Variants in GYPE observed in about 807,000 individuals in gnomAD.
GYPE encodes glycophorin E (MNS blood group), also known as glycophorin-E.
Under a neutral mutation model 11.6 loss-of-function variants are expected in GYPE, and 8 were observed. That is an observed-to-expected ratio of 0.69 (90% CI 0.41 to 1.25). The LOEUF (loss-of-function observed/expected upper bound fraction) is 1.25. GYPE is among the 50% of genes most tolerant of loss of function. The probability of loss-of-function intolerance (pLI) is 0.01; values close to 1 mark genes in which losing one functional copy is unlikely to be tolerated. For missense variants in GYPE, 90 were observed against 92.8 expected (o/e 0.97, Z 0.12); for synonymous variants, 28 against 29.6 (o/e 0.94, Z 0.18).
At chr4:143,889,779 ATCTC>A (rs1161362366) in intron 1 of GYPE, among the ~76,000 whole-genome samples, 1 of 152,136 alleles carries the variant, frequency 6.6e-6, no homozygotes, top group East Asian at 1.9e-4. Context: ...CATTCCACAC[ATCTC>A]TCTAACCATT....
chr4:143,873,277 C>T, intron 3 of GYPE: 4 of 322,142 alleles, frequency 1.2e-5, no homozygotes, highest in Non-Finnish European at 2.4e-5. Context: ...GTTTAATAGA[C>T]TTAGGTAAGA....
At chr4:143,881,591 A>G (rs1369764011) in intron 1 of GYPE, among the ~76,000 whole-genome samples, 1 of 152,162 alleles carries the variant, frequency 6.6e-6, no homozygotes, top group Non-Finnish European at 1.5e-5. Flanking sequence ...CTGACTTTCT[A>G]CTTAATATGC....
Position 143,876,833 on chromosome 4 carries a change from C to T in GYPE, c.159G>A (p.Trp53Ter). ...CCTCAAAAATAACACGAGCCATCGC[C>T]CACCAATTAATGAGTGTTATCCCTA... ...QTNGITLINW[W>*]AMARVIFEVM... is the part of the protein sequence containing the mutation. Residue 53 changes from tryptophan to a stop codon, truncating the protein, a stop_gained, in exon 3 of 4, where the codon TGG (tryptophan) becomes TGA (stop). Transcript: ENST00000358615. LOFTEE classifies it high-confidence loss of function. 2 of 1,609,128 alleles carry T rather than the reference C, an allele frequency of 1.2e-6. No individual in the cohort carries two copies. The highest frequency in any genetic ancestry group is 8.5e-7 in the Non-Finnish European group (1 of 1,176,132).
At chr4:143,895,744 T>C (rs1744603841) in intron 1 of GYPE, among the ~76,000 whole-genome samples, 2 of 149,620 alleles carry the variant, frequency 1.3e-5, no homozygotes, top group South Asian at 4.3e-4. Flanking sequence ...TCACGCTACC[T>C]GGCTTCAAAC....
At chr4:143,874,033 CA>C (rs201456872) in intron 3 of GYPE, among the ~76,000 whole-genome samples, 4 of 151,956 alleles carry the variant, frequency 2.6e-5, no homozygotes, top group South Asian at 4.1e-4. Flanking sequence ...AGTAAAACCC[CA>C]TGTAGACTAA....
rs192573435 is a variant in GYPE at position 143,900,437 on chromosome 4, A to G, written c.37+5034T>C. ...ACTATGACCCAGAAATTCTACCCCT[A>G]TACATCTTTGAGTATTAAAAGTGGG... On this transcript the variant is annotated intron_variant, in intron 1 of 3. Coordinates refer to ENST00000358615, the MANE Select transcript of GYPE (RefSeq NM_198682.3). 7.1e-3 allele frequency among the ~76,000 whole-genome samples: 876 copies of G among 123,380 alleles called. 9 individuals are homozygous for G. The highest frequency in any genetic ancestry group is 0.024 in the African/African-American group (821 of 33,956). The allele number at this position is 123,380 out of a possible 152,430, so 80.9% of individuals were successfully genotyped here.
intron 1 of GYPE, among the ~76,000 whole-genome samples, chr4:143,889,106 G>A (rs1280753415): frequency 1.4e-5 from 2 of 143,180 alleles, no homozygotes; most frequent in Non-Finnish European, 3.1e-5. Flanking sequence ...ACAACTAATT[G>A]GTAACACTTC....
intron 1 of GYPE, among the ~76,000 whole-genome samples, chr4:143,883,038 C>T (rs1240044717): frequency 1.3e-5 from 2 of 152,072 alleles, no homozygotes; most frequent in South Asian, 4.1e-4. Flanking sequence ...ATGTAATCCC[C>T]AATGTTGGAG....
chr4:143,881,190 CA>C (rs35536556), intron 1 of GYPE, among the ~76,000 whole-genome samples: 148 of 104,704 alleles, frequency 1.4e-3, no homozygotes, highest in Middle Eastern at 0.011. Flanking sequence ...GACTCCGTCT[CA>C]AAAAAAAAAA....
intron 1 of GYPE, among the ~76,000 whole-genome samples, chr4:143,904,719 G>A (rs1306409593): frequency 6.6e-6 from 1 of 152,114 alleles, no homozygotes; most frequent in Non-Finnish European, 1.5e-5. Flanking sequence ...CCCCCTGTGT[G>A]CTGGGCACTA....
intron 1 of GYPE, among the ~76,000 whole-genome samples, chr4:143,889,992 A>G (rs1744342953): frequency 6.6e-6 from 1 of 152,234 alleles, no homozygotes; most frequent in Non-Finnish European, 1.5e-5. Flanking sequence ...CAGAAAGAGA[A>G]TGAGAGAATC....
intron 3 of GYPE, among the ~76,000 whole-genome samples, 200 bp downstream of exon 3, chr4:143,876,546 T>A (rs1002245209): frequency 6.6e-6 from 1 of 152,120 alleles, no homozygotes; most frequent in Admixed American, 6.6e-5. Context: ...AGATTTATAT[T>A]TAGAGGCTCC....
chr4:143,878,888 A>C (rs1188047146), intron 2 of GYPE, among the ~76,000 whole-genome samples: 1 of 152,232 alleles, frequency 6.6e-6, no homozygotes, highest in African/African-American at 2.4e-5. Context: ...TGACCCAACA[A>C]GTATTCATGG....
chr4:143,890,326 C>T (rs890755274), intron 1 of GYPE, among the ~76,000 whole-genome samples: 2 of 152,176 alleles, frequency 1.3e-5, no homozygotes, highest in Non-Finnish European at 2.9e-5. Context: ...GAGGATTTCA[C>T]ATATTTTACC....
At chr4:143,904,560 T>C (rs1426187496) in intron 1 of GYPE, among the ~76,000 whole-genome samples, 1 of 152,190 alleles carries the variant, frequency 6.6e-6, no homozygotes, top group Admixed American at 6.5e-5. Context: ...TAGAAAATGC[T>C]GATCTCTCTT....
At chr4:143,896,759 A>G (rs569948493) in intron 1 of GYPE, among the ~76,000 whole-genome samples, 74 of 152,340 alleles carry the variant, frequency 4.9e-4, no homozygotes, top group African/African-American at 1.6e-3. Flanking sequence ...AACCAACCCA[A>G]ATGTCCAACA....
chr4:143,904,902 G>A (rs1210755765), intron 1 of GYPE, among the ~76,000 whole-genome samples: 1 of 151,832 alleles, frequency 6.6e-6, no homozygotes, highest in African/African-American at 2.4e-5. Flanking sequence ...TTATTTTAAT[G>A]GATTTAAATT....
In GYPE at chr4:143,871,165, A is replaced by G. The variant is rs1743608024; in HGVS notation, c.*1097T>C. ...TATTGGAACTACAATTCAAGATGAGATTTGAGTGGGAACACAGCCAAACCA... is the reference window on the plus strand; with the variant it reads ...TATTGGAACTACAATTCAAGATGAGGTTTGAGTGGGAACACAGCCAAACCA... On this transcript the variant is annotated 3_prime_UTR_variant, in exon 4 of 4. Transcript: ENST00000358615. 1 of 151,696 alleles carries G rather than the reference A, an allele frequency of 6.6e-6. No homozygotes were observed. The highest frequency in any genetic ancestry group is 2.4e-5 in the African/African-American group (1 of 41,030). 9.4% of individuals were successfully genotyped at this position (151,696 alleles called of 1,614,324 possible).
chr4:143,874,982 A>C (rs1050802529), intron 3 of GYPE, among the ~76,000 whole-genome samples: 1 of 152,206 alleles, frequency 6.6e-6, no homozygotes, highest in Non-Finnish European at 1.5e-5. Context: ...GGTTTTTGAC[A>C]AAGATTTGAA....
Sources: gnomAD v4.1 joint callset for allele counts (sites outside exome capture counted in the v4.1 genomes callset) on GRCh38, gnomAD v4.1.1 for gene constraint, MANE v1.5 for transcripts, NCBI Gene and HGNC (gene_info 2026-07-23, HGNC 2026-07-21) for gene names.